The following SLC1A1 variants were observed in gnomAD, a reference collection of about 807,000 sequenced individuals.
The protein encoded by SLC1A1 is excitatory amino acid transporter 3.
In SLC1A1, 43 loss-of-function variants were observed where a neutral mutation model predicts 53.3. That is an observed-to-expected ratio of 0.81 (90% CI 0.63 to 1.04). SLC1A1 has a LOEUF of 1.04. Ranked by LOEUF, SLC1A1 falls within the 50% of genes least tolerant of loss-of-function variation. The probability of loss-of-function intolerance (pLI) is 0.00; values close to 1 mark genes in which losing one functional copy is unlikely to be tolerated. For missense variants in SLC1A1, 748 were observed against 664.9 expected, an observed-to-expected ratio of 1.12 and a Z score of -1.37; for synonymous variants, 307 against 243.2, an observed-to-expected ratio of 1.26 and a Z score of -2.44.
At chr9:4,514,730 G>A (rs1475252063) in intron 1 of SLC1A1, among the ~76,000 whole-genome samples, 18 of 152,124 alleles carry the variant, frequency 1.2e-4, no homozygotes, top group Admixed American at 1.2e-3. Flanking sequence ...AAGCTGGAGA[G>A]TGACTCCGCC....
At chr9:4,505,374 A>G (rs1051570340) in intron 1 of SLC1A1, among the ~76,000 whole-genome samples, 25 of 152,200 alleles carry the variant, frequency 1.6e-4, no homozygotes, top group African/African-American at 5.5e-4. Context: ...TATACTGGAT[A>G]GCAATATAGG....
intron 1 of SLC1A1, among the ~76,000 whole-genome samples, chr9:4,508,245 C>T (rs1017280958): frequency 5.9e-5 from 9 of 152,096 alleles, no homozygotes; most frequent in African/African-American, 1.7e-4. Flanking sequence ...GAGAGTCAAC[C>T]ACAGGTAGAA....
intron 1 of SLC1A1, among the ~76,000 whole-genome samples, chr9:4,529,242 T>C (rs1816378495): frequency 6.6e-6 from 1 of 152,200 alleles, no homozygotes; most frequent in Non-Finnish European, 1.5e-5. Flanking sequence ...CTTCAAATCC[T>C]TAGCTTGGCG....
At chr9:4,565,525 C>T (rs567465042) in intron 4 of SLC1A1, among the ~76,000 whole-genome samples, 4 of 152,132 alleles carry the variant, frequency 2.6e-5, no homozygotes, top group East Asian at 3.9e-4. Context: ...AGAGCAAGGG[C>T]GAAGGGAGAA....
chr9:4,560,760 GC>G (rs1818857137), intron 2 of SLC1A1, among the ~76,000 whole-genome samples: 1 of 151,856 alleles, frequency 6.6e-6, no homozygotes, highest in Non-Finnish European at 1.5e-5. Context: ...ACTTTGGGAG[GC>G]CAAGGTTGTG....
intron 1 of SLC1A1, among the ~76,000 whole-genome samples, chr9:4,512,457 A>G (rs1319876893): frequency 2.0e-5 from 3 of 152,172 alleles, no homozygotes. Flanking sequence ...GCAGCGAGCC[A>G]TGATCACGCC....
At chr9:4,500,334 A>G (rs1820588709) in intron 1 of SLC1A1, among the ~76,000 whole-genome samples, 2 of 152,116 alleles carry the variant, frequency 1.3e-5, no homozygotes, top group African/African-American at 4.8e-5. Flanking sequence ...TTTGAGACAG[A>G]GTCTCACTCT....
At chr9:4,508,393 G>A (rs1820877561) in intron 1 of SLC1A1, among the ~76,000 whole-genome samples, 2 of 151,982 alleles carry the variant, frequency 1.3e-5, no homozygotes, top group Non-Finnish European at 2.9e-5. Flanking sequence ...CCACCTGCTG[G>A]GCTCTAAGCC....
intron 1 of SLC1A1, among the ~76,000 whole-genome samples, chr9:4,497,817 T>C (rs1256947990): frequency 6.6e-6 from 1 of 152,282 alleles, no homozygotes; most frequent in African/African-American, 2.4e-5. Flanking sequence ...TTTTAATTTT[T>C]AAAAAAGTAT....
At chr9:4,577,348 G>A (rs1238404209) in intron 10 of SLC1A1, among the ~76,000 whole-genome samples, 4 of 152,180 alleles carry the variant, frequency 2.6e-5, no homozygotes, top group Non-Finnish European at 5.9e-5. Context: ...TGGCATAAAG[G>A]ATACATAAAC....
chr9:4,582,872 T>C (rs753984289), intron 10 of SLC1A1, among the ~76,000 whole-genome samples, 166 bp from the exon 11 acceptor site: 1 of 152,218 alleles, frequency 6.6e-6, no homozygotes, highest in African/African-American at 2.4e-5. Context: ...GCTCTAATCC[T>C]GTAATGAGGC....
At chr9:4,528,493 G>C (rs10974596) in intron 1 of SLC1A1, among the ~76,000 whole-genome samples, 6,965 of 152,160 alleles carry the variant, frequency 0.046, 210 homozygotes, top group Non-Finnish European at 0.068. Flanking sequence ...GGAGAATGGC[G>C]TGAACCCGGG....
chr9:4,505,142 G>C (rs2130805329), intron 1 of SLC1A1, among the ~76,000 whole-genome samples: 1 of 145,718 alleles, frequency 6.9e-6, no homozygotes, highest in Middle Eastern at 3.9e-3. Context: ...CGCCTCCCAG[G>C]TTCAAGCGAT....
chr9:4,534,539 A>G (rs901456077), intron 1 of SLC1A1, among the ~76,000 whole-genome samples: 1 of 152,186 alleles, frequency 6.6e-6, no homozygotes, highest in Non-Finnish European at 1.5e-5. Context: ...GAATAGACCA[A>G]TAACAGGCTC....
At chr9:4,547,650 C>T (rs1051257632) in intron 2 of SLC1A1, among the ~76,000 whole-genome samples, 4 of 152,144 alleles carry the variant, frequency 2.6e-5, no homozygotes, top group African/African-American at 9.7e-5. Context: ...AATTCTGTTT[C>T]TCAGAATTGA....
At chr9:4,513,880 A>G (rs1821074616) in intron 1 of SLC1A1, among the ~76,000 whole-genome samples, 1 of 152,236 alleles carries the variant, frequency 6.6e-6, no homozygotes, top group Non-Finnish European at 1.5e-5. Flanking sequence ...CATACCATTG[A>G]TACGTACAAA....
chr9:4,534,350 C>T (rs1474174414), intron 1 of SLC1A1, among the ~76,000 whole-genome samples: 5 of 151,962 alleles, frequency 3.3e-5, no homozygotes, highest in African/African-American at 1.2e-4. Flanking sequence ...AAGAATCAAA[C>T]AGATGCAATT....
At chr9:4,579,878 G>C (rs796078212) in intron 10 of SLC1A1, among the ~76,000 whole-genome samples, 1 of 151,982 alleles carries the variant, frequency 6.6e-6, no homozygotes, top group African/African-American at 2.4e-5. Flanking sequence ...ATTGAAAATT[G>C]TGTGAGAATA....
intron 1 of SLC1A1, among the ~76,000 whole-genome samples, chr9:4,532,034 T>C (rs1816491003): frequency 6.6e-6 from 1 of 151,988 alleles, no homozygotes; most frequent in African/African-American, 2.4e-5. Context: ...AGAAAGGACA[T>C]CCACACCAAA....
Sources: allele counts gnomAD v4.1 joint callset (sites outside exome capture counted in the v4.1 genomes callset), GRCh38; gene constraint gnomAD v4.1.1; transcripts MANE v1.5; gene names NCBI Gene and HGNC (gene_info 2026-07-23, HGNC 2026-07-21).